Variants in ACTR3C observed in about 807,000 individuals in gnomAD.
ACTR3C encodes actin related protein 3C.
In ACTR3C, 18 loss-of-function variants were observed where a neutral mutation model predicts 26.3. The ratio of observed to expected loss-of-function variants is 0.68; its 90% CI spans 0.47 to 1.01. The LOEUF (loss-of-function observed/expected upper bound fraction) is 1.01, where lower values mean the gene tolerates loss of function less well. ACTR3C is among the 50% of genes least tolerant of loss of function. ACTR3C has a pLI of 0.00. For missense variants in ACTR3C, 184 were observed against 250.7 expected (o/e 0.73, Z 1.80); for synonymous variants, 55 against 94.5 (o/e 0.58, Z 2.42).
the ACTR3C span, chr7:150,074,121 G>A: frequency 4.9e-4 from 75 of 152,264 alleles, no homozygotes; most frequent in African/African-American, 1.7e-3. Flanking sequence ...CCATGACCTC[G>A]TCACACTCCA....
the ACTR3C span, among the ~76,000 whole-genome samples, chr7:150,039,234 G>C: frequency 6.7e-6 from 1 of 149,588 alleles, no homozygotes; most frequent in Non-Finnish European, 1.5e-5. Flanking sequence ...AGAGCCAGTG[G>C]GGGAACCAGG....
the ACTR3C span, among the ~76,000 whole-genome samples, chr7:149,918,303 G>A: frequency 6.6e-6 from 1 of 151,900 alleles, no homozygotes; most frequent in Non-Finnish European, 1.5e-5. Context: ...CTGTTTAAAT[G>A]ATGGACTAAA....
At chr7:150,098,347 C>A in the ACTR3C span, among the ~76,000 whole-genome samples, 1 of 151,572 alleles carries the variant, frequency 6.6e-6, no homozygotes, top group Non-Finnish European at 1.5e-5. Context: ...TGCTTTTAGT[C>A]ATCTACAAAT....
the ACTR3C span, among the ~76,000 whole-genome samples, chr7:149,987,228 T>C: frequency 6.6e-6 from 1 of 152,254 alleles, no homozygotes; most frequent in Non-Finnish European, 1.5e-5. Flanking sequence ...ATAAAATCTT[T>C]GTGAGCAGCT....
the ACTR3C span, among the ~76,000 whole-genome samples, chr7:149,942,572 CG>C: frequency 2.7e-5 from 4 of 149,980 alleles, no homozygotes; most frequent in East Asian, 7.8e-4. Context: ...CCCTTAAGCT[CG>C]AACATCACAC....
the ACTR3C span, among the ~76,000 whole-genome samples, chr7:150,112,146 G>A: frequency 6.6e-6 from 1 of 150,808 alleles, no homozygotes; most frequent in Non-Finnish European, 1.5e-5. Flanking sequence ...CGACCAGGAA[G>A]CACCGCTTGG....
At chr7:150,083,841 T>C in the ACTR3C span, among the ~76,000 whole-genome samples, 7 of 152,196 alleles carry the variant, frequency 4.6e-5, no homozygotes, top group Non-Finnish European at 1.0e-4. Context: ...AAGTGGCCTT[T>C]ATTGGAGAGG....
chr7:149,883,997 AGGGAGGG>A, the ACTR3C span, among the ~76,000 whole-genome samples: 7 of 79,040 alleles, frequency 8.9e-5, no homozygotes, highest in Non-Finnish European at 2.3e-4. Context: ...TAGTGGAGGG[AGGGAGGG>A]AGGGAGGTGC....
At chr7:150,123,612 C>T in the ACTR3C span, among the ~76,000 whole-genome samples, 2 of 137,552 alleles carry the variant, frequency 1.5e-5, no homozygotes, top group Non-Finnish European at 3.1e-5. Context: ...CACACACACA[C>T]AAACACACAC....
the ACTR3C span, among the ~76,000 whole-genome samples, chr7:150,217,162 T>C: frequency 1.4e-5 from 2 of 146,056 alleles, no homozygotes; most frequent in Admixed American, 6.6e-5. Flanking sequence ...GATTAGTTTA[T>C]TGAATCCTCA....
the ACTR3C span, among the ~76,000 whole-genome samples, chr7:150,039,904 C>A: frequency 7.6e-6 from 1 of 130,768 alleles, no homozygotes; most frequent in African/African-American, 2.7e-5. Flanking sequence ...GTGAGGGGTG[C>A]CTCCTCCCCT....
the ACTR3C span, among the ~76,000 whole-genome samples, chr7:150,078,840 G>A: frequency 6.6e-6 from 1 of 152,206 alleles, no homozygotes; most frequent in South Asian, 2.1e-4. Flanking sequence ...ATCAAACAGG[G>A]AGGCTTAGAG....
chr7:150,055,033 G>T, the ACTR3C span, among the ~76,000 whole-genome samples: 1 of 152,250 alleles, frequency 6.6e-6, no homozygotes, highest in East Asian at 1.9e-4. Context: ...CAAAAGGACT[G>T]TTAGAAACCA....
the ACTR3C span, among the ~76,000 whole-genome samples, chr7:150,103,747 G>C: frequency 6.6e-6 from 1 of 151,894 alleles, no homozygotes; most frequent in African/African-American, 2.4e-5. Context: ...TGCTATGGTT[G>C]AGGGCACCTT....
chr7:150,258,916 G>A (rs1422128708), intron 6 of ACTR3C, among the ~76,000 whole-genome samples: 6 of 151,898 alleles, frequency 4.0e-5, no homozygotes, highest in African/African-American at 1.2e-4. Context: ...TGGTATAGTT[G>A]CTGGAGCAGA....
At chr7:150,035,377 C>G in the ACTR3C span, among the ~76,000 whole-genome samples, 84 of 53,306 alleles carry the variant, frequency 1.6e-3, 4 homozygotes, top group Middle Eastern at 9.6e-3. Flanking sequence ...GCGGTGCCTC[C>G]CCCTCGTGCG....
chr7:150,170,866 A>C, the ACTR3C span, among the ~76,000 whole-genome samples: 1 of 144,718 alleles, frequency 6.9e-6, no homozygotes, highest in Non-Finnish European at 1.5e-5. Context: ...CAGAGCATAT[A>C]CTATTACCAG....
the ACTR3C span, among the ~76,000 whole-genome samples, chr7:150,235,944 C>A: frequency 1.3e-5 from 2 of 151,416 alleles, no homozygotes; most frequent in East Asian, 3.8e-4. Flanking sequence ...ATTCTTTACA[C>A]CAACTAAGCA....
At chr7:150,227,440 A>G in the ACTR3C span, among the ~76,000 whole-genome samples, 1 of 151,328 alleles carries the variant, frequency 6.6e-6, no homozygotes, top group Non-Finnish European at 1.5e-5. Context: ...AATGTCCTCC[A>G]GCTCCATCCA....
Sources: gnomAD v4.1 joint callset for allele counts (sites outside exome capture counted in the v4.1 genomes callset) on GRCh38, gnomAD v4.1.1 for gene constraint, MANE v1.5 for transcripts, NCBI Gene and HGNC (gene_info 2026-07-23, HGNC 2026-07-21) for gene names.